The following TTC28 variants were observed in gnomAD, a reference collection of about 807,000 sequenced individuals.
The protein encoded by TTC28 is tetratricopeptide repeat domain 28.
Under a neutral mutation model 198.0 loss-of-function variants are expected in TTC28, and 61 were observed. The ratio of observed to expected loss-of-function variants is 0.31; its 90% CI spans 0.25 to 0.38. The LOEUF (loss-of-function observed/expected upper bound fraction) is 0.38. Ranked by LOEUF, TTC28 falls within the 10% of genes least tolerant of loss-of-function variation. The probability of loss-of-function intolerance (pLI) is 1.00; values close to 1 mark genes in which losing one functional copy is unlikely to be tolerated. For synonymous variants in TTC28, 1,171 were observed against 1,297.8 expected (o/e 0.90, Z 2.10); for missense variants, 2,678 against 3,164.0 (o/e 0.85, Z 3.69).
chr22:28,420,661 G>A (rs538894298), intron 2 of TTC28, among the ~76,000 whole-genome samples: 61 of 151,320 alleles, frequency 4.0e-4, no homozygotes, highest in African/African-American at 1.1e-3. Context: ...GCAGTGGCAC[G>A]CAATCTCAGC....
At chr22:28,304,523 A>C (rs2045097249) in intron 3 of TTC28, among the ~76,000 whole-genome samples, 1 of 152,170 alleles carries the variant, frequency 6.6e-6, no homozygotes. Context: ...ATATTGAAGC[A>C]CTCCAGGAAC....
intron 12 of TTC28, among the ~76,000 whole-genome samples, chr22:28,034,025 G>C (rs1182526282): frequency 6.6e-6 from 1 of 152,210 alleles, no homozygotes; most frequent in Non-Finnish European, 1.5e-5. Flanking sequence ...AGCAAGAAAA[G>C]AAAGAGAGGA....
chr22:28,636,996 G>A (rs2051283629), intron 1 of TTC28, among the ~76,000 whole-genome samples: 1 of 146,536 alleles, frequency 6.8e-6, no homozygotes, highest in Admixed American at 7.0e-5. Flanking sequence ...TAGAGTTTCA[G>A]GTCTTCAGTT....
At chr22:28,496,036 C>T (rs577801304) in intron 2 of TTC28, among the ~76,000 whole-genome samples, 89 of 152,238 alleles carry the variant, frequency 5.8e-4, no homozygotes, top group Admixed American at 2.0e-3. Context: ...GCTCCCTCCT[C>T]CTTAAAACAT....
intron 5 of TTC28, among the ~76,000 whole-genome samples, chr22:28,213,917 G>T (rs927050973): frequency 6.6e-6 from 1 of 152,112 alleles, no homozygotes; most frequent in African/African-American, 2.4e-5. Context: ...GCACGATACT[G>T]GTACCAAAAC....
intron 12 of TTC28, among the ~76,000 whole-genome samples, chr22:28,049,432 C>T (rs968029721): frequency 1.3e-5 from 2 of 152,046 alleles, no homozygotes; most frequent in African/African-American, 2.4e-5. Flanking sequence ...TCCTGTGAGG[C>T]GACCAGAGAG....
At chr22:28,674,340 T>G (rs1285855801) in intron 1 of TTC28, among the ~76,000 whole-genome samples, 1 of 151,708 alleles carries the variant, frequency 6.6e-6, no homozygotes, top group East Asian at 1.9e-4. Context: ...GTTTGTCTGT[T>G]TTTTGTTTTG....
chr22:28,060,937 T>C (rs1392971667), intron 12 of TTC28, among the ~76,000 whole-genome samples: 1 of 152,200 alleles, frequency 6.6e-6, no homozygotes, highest in African/African-American at 2.4e-5. Context: ...TGGTATCTCA[T>C]TGTGGTTTTG....
intron 2 of TTC28, among the ~76,000 whole-genome samples, chr22:28,424,222 C>T (rs1250637058): frequency 1.3e-5 from 2 of 152,140 alleles, no homozygotes; most frequent in African/African-American, 2.4e-5. Flanking sequence ...CTTTACACTC[C>T]CACAATAAAC....
intron 1 of TTC28, among the ~76,000 whole-genome samples, chr22:28,635,667 T>C (rs1440069130): frequency 1.3e-5 from 2 of 152,196 alleles, no homozygotes; most frequent in Non-Finnish European, 2.9e-5. Flanking sequence ...TCTAGCTTTA[T>C]TGAGGTATAA....
intron 2 of TTC28, among the ~76,000 whole-genome samples, chr22:28,394,513 C>A (rs1006837932): frequency 1.3e-5 from 2 of 152,188 alleles, no homozygotes; most frequent in African/African-American, 2.4e-5. Context: ...ATTCATCACA[C>A]CAAAATCACT....
intron 2 of TTC28, among the ~76,000 whole-genome samples, chr22:28,332,115 G>T (rs1016985962): frequency 1.3e-5 from 2 of 151,962 alleles, no homozygotes; most frequent in African/African-American, 4.8e-5. Flanking sequence ...TGAATATTCA[G>T]ATTTCACGTC....
intron 5 of TTC28, among the ~76,000 whole-genome samples, chr22:28,169,229 T>G (rs1922378892): frequency 6.6e-6 from 1 of 152,216 alleles, no homozygotes; most frequent in Non-Finnish European, 1.5e-5. Context: ...TTGGTGGGAC[T>G]GTAAACTAGT....
At chr22:28,300,056 C>A (rs2044987986) in intron 3 of TTC28, among the ~76,000 whole-genome samples, 1 of 152,212 alleles carries the variant, frequency 6.6e-6, no homozygotes, top group Non-Finnish European at 1.5e-5. Flanking sequence ...TGCTCCTCCC[C>A]ACACCAACTC....
intron 2 of TTC28, among the ~76,000 whole-genome samples, chr22:28,490,467 A>C (rs919450205): frequency 6.6e-6 from 1 of 152,226 alleles, no homozygotes; most frequent in Non-Finnish European, 1.5e-5. Flanking sequence ...TCCTTTGATC[A>C]GAACAAGTCA....
chr22:28,102,196 G>A (rs913984270), intron 8 of TTC28, among the ~76,000 whole-genome samples: 2 of 152,170 alleles, frequency 1.3e-5, no homozygotes, highest in South Asian at 2.1e-4. Flanking sequence ...AGATACATAC[G>A]ATGTTCTCCT....
chr22:28,154,757 A>G (rs1381481136), intron 6 of TTC28, among the ~76,000 whole-genome samples: 2 of 152,224 alleles, frequency 1.3e-5, no homozygotes, highest in East Asian at 1.9e-4. Flanking sequence ...TAAGAAATCT[A>G]AAGACTTTAA....
At chr22:28,363,543 G>A (rs1350857019) in intron 2 of TTC28, among the ~76,000 whole-genome samples, 1 of 152,192 alleles carries the variant, frequency 6.6e-6, no homozygotes, top group African/African-American at 2.4e-5. Context: ...TAGTGGAGCT[G>A]TGAAAAGAGG....
intron 5 of TTC28, among the ~76,000 whole-genome samples, chr22:28,191,059 T>C (rs781664917): frequency 6.6e-6 from 1 of 152,184 alleles, no homozygotes; most frequent in East Asian, 1.9e-4. Context: ...AACCTCCTTT[T>C]TAGTATCATC....
Sources: gnomAD v4.1 joint callset for allele counts (sites outside exome capture counted in the v4.1 genomes callset) on GRCh38, gnomAD v4.1.1 for gene constraint, MANE v1.5 for transcripts, NCBI Gene and HGNC (gene_info 2026-07-23, HGNC 2026-07-21) for gene names.